The following OXR1 variants were observed in gnomAD, a reference collection of about 807,000 sequenced individuals.
OXR1 encodes the protein oxidation resistance 1, also known as oxidation resistance protein 1.
OXR1 carries 41 observed loss-of-function variants against 104.6 expected under a neutral mutation model. The ratio of observed to expected loss-of-function variants is 0.39; its 90% CI spans 0.31 to 0.51. OXR1 has a LOEUF of 0.51. OXR1 is among the 20% of genes least tolerant of loss of function. OXR1 has a pLI of 0.77. For missense variants in OXR1, 955 were observed against 1,031.9 expected, an observed-to-expected ratio of 0.93 and a Z score of 1.02; for synonymous variants, 348 against 348.4, an observed-to-expected ratio of 1.00 and a Z score of 0.01.
intron 6 of OXR1, 86 bp from the exon 7 acceptor site, chr8:106,692,642 A>T (rs1829421283): frequency 5.7e-6 from 4 of 697,552 alleles, no homozygotes; most frequent in Non-Finnish European, 8.7e-6. Flanking sequence ...TATTGGGGAA[A>T]GCTATTCATT....
chr8:106,383,206 C>T (rs1001414460), intron 2 of OXR1, among the ~76,000 whole-genome samples: 1 of 152,080 alleles, frequency 6.6e-6, no homozygotes, highest in Non-Finnish European at 1.5e-5. Context: ...TATAATGATG[C>T]AAGAACACTG....
chr8:106,626,551 T>C (rs1822177463), intron 3 of OXR1, among the ~76,000 whole-genome samples: 1 of 150,656 alleles, frequency 6.6e-6, no homozygotes, highest in African/African-American at 2.4e-5. Flanking sequence ...TAAATCCATG[T>C]TGTAAATTTT....
chr8:106,364,789 T>A (rs1052758713), intron 2 of OXR1, among the ~76,000 whole-genome samples: 3 of 152,198 alleles, frequency 2.0e-5, no homozygotes, highest in Admixed American at 1.3e-4. Context: ...GCATTTAGGA[T>A]GAGAAAATTC....
chr8:106,279,050 A>G (rs1445653818), intron 1 of OXR1, among the ~76,000 whole-genome samples: 5 of 152,254 alleles, frequency 3.3e-5, no homozygotes, highest in East Asian at 1.9e-4. Flanking sequence ...TGTTATATCT[A>G]TTTAGGTTCT....
At chr8:106,370,840 A>G (rs1164592558) in intron 2 of OXR1, among the ~76,000 whole-genome samples, 1 of 152,066 alleles carries the variant, frequency 6.6e-6, no homozygotes, top group Non-Finnish European at 1.5e-5. Context: ...TTCATCAGGG[A>G]TATTGTCCTG....
At position 106,303,308 on chromosome 8, in the gene OXR1, C is replaced by A. The variant is rs1201089509; in HGVS notation, c.-139+32941C>A. Among the ~76,000 whole-genome samples, 5 of 135,784 alleles carry A rather than the reference C, an allele frequency of 3.7e-5. No homozygotes were observed. The Admixed American group carries it at 4.2e-4, about 11-fold the overall frequency. 89.1% of individuals were successfully genotyped at this position (135,784 alleles called of 152,430 possible). A position where few individuals can be genotyped will look rare whatever the true frequency, so the allele number is the denominator to read the frequency against. On this transcript the variant is annotated intron_variant, in intron 1 of 16. Transcript: ENST00000517566. ...TCACTCTGTCACCCAGGCTGGAGTG[C>A]ACTGGTGTGATCTAGGCTCACTGCA...
At chr8:106,448,015 G>A in intron 2 of OXR1, 1 of 1,535,798 alleles carries the variant, frequency 6.5e-7, no homozygotes, top group Non-Finnish European at 8.7e-7. Context: ...CTGCCTGCCT[G>A]CACAGAAATG....
At chr8:106,455,998 C>T (rs1820577751) in intron 2 of OXR1, among the ~76,000 whole-genome samples, 1 of 152,062 alleles carries the variant, frequency 6.6e-6, no homozygotes, top group East Asian at 1.9e-4. Flanking sequence ...ATTCTGTAAA[C>T]TTAATGACAT....
chr8:106,506,481 C>T (rs1165973595), intron 2 of OXR1, among the ~76,000 whole-genome samples: 4 of 151,964 alleles, frequency 2.6e-5, no homozygotes, highest in Non-Finnish European at 4.4e-5. Flanking sequence ...GGTGTGGTGG[C>T]GGGCACCTGT....
At chr8:106,335,335 C>A (rs776219738) in intron 1 of OXR1, among the ~76,000 whole-genome samples, 1 of 152,136 alleles carries the variant, frequency 6.6e-6, no homozygotes, top group Non-Finnish European at 1.5e-5. Flanking sequence ...GGGTCTGCCA[C>A]TCACCTTGCC....
intron 5 of OXR1, among the ~76,000 whole-genome samples, chr8:106,683,524 T>C (rs987168174): frequency 2.0e-5 from 3 of 152,170 alleles, no homozygotes; most frequent in African/African-American, 7.2e-5. Flanking sequence ...TTTTTCTTTT[T>C]AAATATAGTT....
intron 1 of OXR1, among the ~76,000 whole-genome samples, chr8:106,310,760 G>T (rs1243295531): frequency 3.9e-5 from 6 of 152,168 alleles, no homozygotes; most frequent in Non-Finnish European, 7.4e-5. Context: ...CAATTATTGA[G>T]AGGTGTGATG....
intron 3 of OXR1, among the ~76,000 whole-genome samples, chr8:106,524,258 AG>A (rs1185231168): frequency 6.6e-6 from 1 of 152,248 alleles, no homozygotes; most frequent in Admixed American, 6.5e-5. Flanking sequence ...CTTCATTCAA[AG>A]AACTACATAT....
intron 8 of OXR1, among the ~76,000 whole-genome samples, chr8:106,705,613 C>T (rs957388311): frequency 5.3e-5 from 8 of 152,072 alleles, no homozygotes; most frequent in Non-Finnish European, 8.8e-5. Flanking sequence ...CTTCTTGTAA[C>T]CATCATTTTA....
chr8:106,274,472 A>T (rs1586459246), intron 1 of OXR1, among the ~76,000 whole-genome samples: 1 of 152,096 alleles, frequency 6.6e-6, no homozygotes, highest in African/African-American at 2.4e-5. Flanking sequence ...TATCATCATT[A>T]GGGTTGCTTA....
chr8:106,684,115 A>G (rs926383462), intron 5 of OXR1, 131 bp from the exon 6 acceptor site: 1 of 553,124 alleles, frequency 1.8e-6, no homozygotes, highest in African/African-American at 1.9e-5. Flanking sequence ...ATGTTTTTAT[A>G]TTCTTATAAT....
intron 2 of OXR1, among the ~76,000 whole-genome samples, chr8:106,405,930 A>G (rs1586611969): frequency 6.6e-6 from 1 of 152,226 alleles, no homozygotes; most frequent in African/African-American, 2.4e-5. Context: ...ACACCAAAGG[A>G]GTTCTTTAAC....
intron 11 of OXR1, among the ~76,000 whole-genome samples, chr8:106,732,460 C>T (rs1047837272): frequency 2.0e-5 from 3 of 152,084 alleles, no homozygotes; most frequent in African/African-American, 7.2e-5. Flanking sequence ...CCTTTCCTTG[C>T]TCCCAGTCTT....
At chr8:106,441,351 T>C (rs1379928164) in intron 2 of OXR1, among the ~76,000 whole-genome samples, 1 of 152,230 alleles carries the variant, frequency 6.6e-6, no homozygotes, top group East Asian at 1.9e-4. Flanking sequence ...TCAGGTGGCA[T>C]GATGCCTCCA....
Sources: allele counts gnomAD v4.1 joint callset (sites outside exome capture counted in the v4.1 genomes callset), GRCh38; gene constraint gnomAD v4.1.1; transcripts MANE v1.5; gene names NCBI Gene and HGNC (gene_info 2026-07-23, HGNC 2026-07-21).